MORN1: variants seen among roughly 807,000 people sequenced by gnomAD.
MORN1 encodes the protein MORN repeat-containing protein 1.
Under a neutral mutation model 61.9 loss-of-function variants are expected in MORN1, and 67 were observed. The ratio of observed to expected loss-of-function variants is 1.08; its 90% CI spans 0.89 to 1.33. The LOEUF is 1.33. MORN1 is among the 40% of genes most tolerant of loss of function. MORN1 has a pLI of 0.00. For missense variants in MORN1, 752 were observed against 691.2 expected, an observed-to-expected ratio of 1.09 and a Z score of -0.99; for synonymous variants, 301 against 292.0, an observed-to-expected ratio of 1.03 and a Z score of -0.31.
intron 10 of MORN1, among the ~76,000 whole-genome samples, chr1:2,343,641 C>G (rs1641448945): frequency 6.6e-6 from 1 of 152,124 alleles, no homozygotes; most frequent in Non-Finnish European, 1.5e-5. Context: ...CTGGGGAGGA[C>G]AGGCCAGGAG....
At chr1:2,390,053 T>A in intron 1 of MORN1, 57 bp from the exon 2 acceptor site, 1 of 1,501,108 alleles carries the variant, frequency 6.7e-7, no homozygotes, top group African/African-American at 1.4e-5. Flanking sequence ...AGGGATGCTC[T>A]CCAGTGCTGA....
chr1:2,389,464 C>A (rs940823972), intron 2 of MORN1, among the ~76,000 whole-genome samples: 2 of 152,212 alleles, frequency 1.3e-5, no homozygotes, highest in Non-Finnish European at 2.9e-5. Context: ...GTCAGGGTTT[C>A]AGCATGCTGG....
chr1:2,327,022 AAAGACAGAAACG>A (rs973242064), intron 12 of MORN1, among the ~76,000 whole-genome samples: 2 of 152,192 alleles, frequency 1.3e-5, no homozygotes, highest in African/African-American at 4.8e-5. Context: ...AAACACACAG[AAAGACAGAAACG>A]AAGACAGAAA....
chr1:2,374,406 G>A (rs887970913), intron 7 of MORN1, 55 bp downstream of exon 7: 3 of 1,491,410 alleles, frequency 2.0e-6, no homozygotes, highest in African/African-American at 1.4e-5. Flanking sequence ...CCGGGGGCCA[G>A]GGACACACCC....
chr1:2,325,007 G>A (rs914001993), intron 12 of MORN1, among the ~76,000 whole-genome samples: 9 of 151,680 alleles, frequency 5.9e-5, no homozygotes, highest in Non-Finnish European at 7.4e-5. Context: ...TGCTCCTGCT[G>A]CAAGGACGAG....
chr1:2,367,306 CA>C (rs56188781), intron 8 of MORN1, among the ~76,000 whole-genome samples: 47,329 of 132,546 alleles, frequency 0.36, 9,580 homozygotes, highest in African/African-American at 0.62. Context: ...ATTGCTCTAT[CA>C]AAAAAAAAAA....
chr1:2,385,100 G>A lies in MORN1; in HGVS notation c.450-35C>T, dbSNP rs765764302. The A allele has an allele frequency of 4.5e-6, 7 of 1,554,116 alleles. No homozygotes were observed. In the Admixed American group the frequency reaches 1.1e-4, roughly 25 times the overall value. On this transcript the variant is annotated intron_variant, in intron 5 of 13. Coordinates refer to ENST00000378531, the MANE Select transcript of MORN1 (RefSeq NM_024848.3). ...ACACGCACGGAGTCCACTCTCAACA[G>A]GGGGAGCCGGGTGGTGGCAGTGACT...
intron 2 of MORN1, chr1:2,388,548 C>T: frequency 1.9e-6 from 1 of 519,690 alleles, no homozygotes; most frequent in South Asian, 2.3e-5. Context: ...CGCCTTCAGC[C>T]AGAACAAGCA....
chr1:2,379,743 C>T (rs963984614), intron 6 of MORN1, among the ~76,000 whole-genome samples: 10 of 152,166 alleles, frequency 6.6e-5, no homozygotes, highest in Non-Finnish European at 1.5e-4. Context: ...CAGAAAATAA[C>T]CAGTGTTGGT....
chr1:2,374,044 G>A (rs1372016224), intron 7 of MORN1, among the ~76,000 whole-genome samples: 1 of 152,194 alleles, frequency 6.6e-6, no homozygotes, highest in African/African-American at 2.4e-5. Context: ...TCTATTGAGA[G>A]GCCACCCAGA....
At chr1:2,349,605 T>C (rs1327602158) in intron 10 of MORN1, among the ~76,000 whole-genome samples, 1 of 152,268 alleles carries the variant, frequency 6.6e-6, no homozygotes, top group Non-Finnish European at 1.5e-5. Context: ...AATATGGCTC[T>C]TTCATGCTAC....
intron 6 of MORN1, among the ~76,000 whole-genome samples, chr1:2,383,538 T>C (rs1321179970): frequency 3.3e-5 from 5 of 152,188 alleles, no homozygotes; most frequent in Admixed American, 1.3e-4. Context: ...TCAACTGACA[T>C]TGTAATTCTG....
intron 10 of MORN1, among the ~76,000 whole-genome samples, chr1:2,348,859 T>C (rs1024316370): frequency 3.9e-5 from 5 of 129,050 alleles, no homozygotes; most frequent in African/African-American, 5.9e-5. Context: ...GCACGCACAG[T>C]CATGTGCACG....
chr1:2,321,815 A>G (rs1354549260), intron 13 of MORN1, among the ~76,000 whole-genome samples: 1 of 151,980 alleles, frequency 6.6e-6, no homozygotes, highest in African/African-American at 2.4e-5. Flanking sequence ...GGTAAAGGAA[A>G]CCACCTCTGA....
intron 3 of MORN1, chr1:2,387,978 T>C: frequency 4.1e-6 from 2 of 484,024 alleles, no homozygotes; most frequent in Non-Finnish European, 7.3e-6. Context: ...GTGGCTGAAA[T>C]AGCTTTAAAT....
intron 10 of MORN1, chr1:2,355,551 T>C: frequency 6.9e-7 from 1 of 1,454,296 alleles, no homozygotes; most frequent in African/African-American, 1.4e-5. Context: ...GGCACGGGCA[T>C]GGAGGTGGCC....
rs1194402427 is a variant in MORN1, at chr1:2,334,269, C to T, written c.1250+2200G>A. The stretch of plus-strand genomic sequence containing the variant: ...AGCAGGTGTAAGAACGGTAAGGGAT[C>T]ACGTGGCTACAAGGAACTGGTGGTG... On this transcript the variant is annotated intron_variant, in intron 12 of 13. Transcript: ENST00000378531. This position sits in a 1 kb window ranked among gnomAD's most constrained non-coding sequence, Gnocchi z 5.4. 6.6e-6 allele frequency among the ~76,000 whole-genome samples: 1 copy of T among 152,002 alleles called. No homozygotes were observed. The highest frequency in any genetic ancestry group is 1.5e-5 in the Non-Finnish European group (1 of 67,984).
At chr1:2,374,617 G>A (rs545449035) in intron 6 of MORN1, 60 bp from the exon 7 acceptor site, 7 of 1,405,306 alleles carry the variant, frequency 5.0e-6, no homozygotes, top group South Asian at 1.2e-5. Flanking sequence ...GTGGGTCCCC[G>A]CATGGCACTG....
intron 12 of MORN1, among the ~76,000 whole-genome samples, chr1:2,335,173 A>G (rs987545597): frequency 1.3e-5 from 2 of 152,190 alleles, no homozygotes; most frequent in Non-Finnish European, 2.9e-5. Context: ...CAGTGCCAGC[A>G]CCTTGGCAGC....
Sources: gnomAD v4.1 joint callset for allele counts (sites outside exome capture counted in the v4.1 genomes callset) on GRCh38, gnomAD v4.1.1 for gene constraint, Gnocchi (gnomAD v3.1) non-coding constraint, MANE v1.5 for transcripts, NCBI Gene and HGNC (gene_info 2026-07-23, HGNC 2026-07-21) for gene names.